TCF4: variants seen among roughly 807,000 people sequenced by gnomAD.
TCF4 encodes the protein transcription factor 4.
Under a neutral mutation model 82.1 loss-of-function variants are expected in TCF4, and 3 were observed. That is an observed-to-expected ratio of 0.04 (90% CI 0.02 to 0.09). The LOEUF is 0.09. TCF4 is among the 10% of genes least tolerant of loss of function. TCF4 has a pLI of 1.00. For synonymous variants in TCF4, 276 were observed against 309.6 expected (o/e 0.89, Z 1.14); for missense variants, 518 against 852.7 (o/e 0.61, Z 4.89).
intron 10 of TCF4, among the ~76,000 whole-genome samples, chr18:55,275,055 T>A (rs2061189051): frequency 6.6e-6 from 1 of 151,966 alleles, no homozygotes; most frequent in African/African-American, 2.4e-5. Context: ...GAATTAAAGT[T>A]AAAATACTGA....
At chr18:55,317,543 A>G (rs1038100193) in intron 8 of TCF4, among the ~76,000 whole-genome samples, 16 of 152,064 alleles carry the variant, frequency 1.1e-4, no homozygotes, top group Non-Finnish European at 1.9e-4. Flanking sequence ...GGGGGAAAAA[A>G]AAGAGCCATA....
intron 5 of TCF4, chr18:55,422,622 G>T (rs1417464262): frequency 1.3e-5 from 4 of 304,628 alleles, no homozygotes; most frequent in African/African-American, 6.8e-5. Context: ...CTTTTAGTGT[G>T]TGTGTGTGTT....
At chr18:55,562,438 T>C (rs918779889) in intron 3 of TCF4, among the ~76,000 whole-genome samples, 9 of 152,332 alleles carry the variant, frequency 5.9e-5, no homozygotes, top group South Asian at 4.1e-4. Context: ...CGGAAATGTA[T>C]ATTTGAACCA....
intron 8 of TCF4, among the ~76,000 whole-genome samples, chr18:55,337,991 G>C (rs2147896135): frequency 6.6e-6 from 1 of 151,962 alleles, no homozygotes; most frequent in East Asian, 1.9e-4. Flanking sequence ...CTCTTCCTAG[G>C]GCACTGAACT....
intron 8 of TCF4, among the ~76,000 whole-genome samples, chr18:55,334,081 C>T (rs984053545): frequency 2.6e-5 from 4 of 152,048 alleles, no homozygotes; most frequent in African/African-American, 4.8e-5. Flanking sequence ...AAGGACTCAG[C>T]CTAATTTCAT....
At chr18:55,388,982 C>T (rs1379013730) in intron 6 of TCF4, among the ~76,000 whole-genome samples, 2 of 151,796 alleles carry the variant, frequency 1.3e-5, no homozygotes, top group South Asian at 2.1e-4. Context: ...AAAAATTAGC[C>T]GGGCATGGTG....
chr18:55,622,376 G>A (rs1327822167), intron 2 of TCF4, among the ~76,000 whole-genome samples: 1 of 151,586 alleles, frequency 6.6e-6, no homozygotes, highest in Non-Finnish European at 1.5e-5. Context: ...GCGTGGTGGT[G>A]TATGCCCGTG....
chr18:55,252,055 G>A (rs2055357217), intron 15 of TCF4, among the ~76,000 whole-genome samples: 1 of 144,526 alleles, frequency 6.9e-6, no homozygotes, highest in Non-Finnish European at 1.5e-5. Flanking sequence ...TTATGTTTTT[G>A]TTTTAAAATT....
chr18:55,592,516 C>A (rs2097686682), upstream of TCF4, among the ~76,000 whole-genome samples: 1 of 152,152 alleles, frequency 6.6e-6, no homozygotes, highest in Admixed American at 6.5e-5. Context: ...CCCTAGTTAT[C>A]TCCCAAAGAC....
chr18:55,571,585 A>G (rs1166974646), intron 3 of TCF4, among the ~76,000 whole-genome samples: 1 of 152,204 alleles, frequency 6.6e-6, no homozygotes, highest in Non-Finnish European at 1.5e-5. Context: ...ATCAAGTATT[A>G]TAAGATAAAA....
chr18:55,403,604 C>T, intron 5 of TCF4, 86 bp from the exon 6 acceptor site: 1 of 1,612,870 alleles, frequency 6.2e-7, no homozygotes, highest in Non-Finnish European at 8.5e-7. Context: ...TACTGCTCTT[C>T]CCCGATGTTT....
intron 6 of TCF4, among the ~76,000 whole-genome samples, chr18:55,395,103 G>C (rs907661003): frequency 6.6e-6 from 1 of 152,082 alleles, no homozygotes; most frequent in South Asian, 2.1e-4. Context: ...CAAGCATGAC[G>C]TTCAATAAAT....
chr18:55,485,522 T>C (rs557164467), intron 3 of TCF4, among the ~76,000 whole-genome samples: 4 of 152,318 alleles, frequency 2.6e-5, no homozygotes, highest in Non-Finnish European at 4.4e-5. Context: ...TAATTCCCCA[T>C]TTAACCCTTC....
At chr18:55,515,820 C>T (rs891357099) in intron 3 of TCF4, among the ~76,000 whole-genome samples, 2 of 151,682 alleles carry the variant, frequency 1.3e-5, no homozygotes, top group Admixed American at 1.3e-4. Flanking sequence ...GGGGGGTGGG[C>T]GTATTTAAAT....
intron 8 of TCF4, among the ~76,000 whole-genome samples, chr18:55,336,155 T>C (rs1036396664): frequency 2.6e-5 from 4 of 152,094 alleles, no homozygotes; most frequent in African/African-American, 9.6e-5. Flanking sequence ...GAGATCTCAA[T>C]TCTAATAAAA....
At chr18:55,324,071 T>C (rs2076157232) in intron 8 of TCF4, among the ~76,000 whole-genome samples, 2 of 152,182 alleles carry the variant, frequency 1.3e-5, no homozygotes, top group African/African-American at 2.4e-5. Flanking sequence ...AACATGTGCA[T>C]AAATAAATAT....
intron 8 of TCF4, among the ~76,000 whole-genome samples, chr18:55,305,371 C>G (rs1417356666): frequency 6.6e-6 from 1 of 152,140 alleles, no homozygotes; most frequent in African/African-American, 2.4e-5. Context: ...AGGGGGAACA[C>G]TGTACATGGT....
intron 6 of TCF4, among the ~76,000 whole-genome samples, chr18:55,373,815 AAAT>A (rs369920666): frequency 1.6e-4 from 25 of 151,772 alleles, no homozygotes; most frequent in Non-Finnish European, 3.5e-4. Context: ...TCCATCTCAA[AAAT>A]AATAATAATA....
chr18:55,329,225 C>T (rs2077100126), intron 8 of TCF4, among the ~76,000 whole-genome samples: 1 of 152,166 alleles, frequency 6.6e-6, no homozygotes. Flanking sequence ...TTAAGCAGGT[C>T]ATTGGTCCAT....
Sources: allele counts gnomAD v4.1 joint callset (sites outside exome capture counted in the v4.1 genomes callset), GRCh38; gene constraint gnomAD v4.1.1; transcripts MANE v1.5; gene names NCBI Gene and HGNC (gene_info 2026-07-23, HGNC 2026-07-21).